RBM47: variants seen among roughly 807,000 people sequenced by gnomAD.
The protein encoded by RBM47 is RNA-binding protein 47.
RBM47 carries 21 observed loss-of-function variants against 47.1 expected under a neutral mutation model. The observed-to-expected ratio is 0.45, with a 90% confidence interval of 0.32 to 0.64. RBM47 has a LOEUF of 0.64. RBM47 is among the 30% of genes least tolerant of loss of function. The pLI, the probability that RBM47 is intolerant of heterozygous loss-of-function variation, is 0.05. For missense variants in RBM47, 708 were observed against 870.9 expected, an observed-to-expected ratio of 0.81 and a Z score of 2.35; for synonymous variants, 375 against 361.7, an observed-to-expected ratio of 1.04 and a Z score of -0.42.
At chr4:40,433,111 C>T (rs1156961160) in intron 5 of RBM47, among the ~76,000 whole-genome samples, 6 of 152,066 alleles carry the variant, frequency 3.9e-5, no homozygotes, top group Non-Finnish European at 7.4e-5. Context: ...CAGGTACAGG[C>T]CACCTTGCCC....
At chr4:40,556,053 T>G (rs1272094752) in intron 1 of RBM47, among the ~76,000 whole-genome samples, 2 of 144,882 alleles carry the variant, frequency 1.4e-5, no homozygotes, top group East Asian at 3.9e-4. Context: ...TTTTTTTTTT[T>G]GAGACAGAGT....
At position 40,536,717 on chromosome 4, in the gene RBM47, G is replaced by GTGTGTT. The variant is rs749047772; in HGVS notation, c.-155+7704_-155+7705insAACACA. Among the ~76,000 whole-genome samples the GTGTGTT allele has an allele frequency of 2.6e-5, 3 of 115,416 alleles. 1 individual carries two copies. The highest frequency in any genetic ancestry group is 5.1e-5 in the African/African-American group (1 of 19,800). 75.7% of individuals were successfully genotyped at this position (115,416 alleles called of 152,430 possible). A position where few individuals can be genotyped will look rare whatever the true frequency, so the allele number is the denominator to read the frequency against. On this transcript the variant is annotated intron_variant, in intron 2 of 6. Coordinates refer to ENST00000295971, the MANE Select transcript of RBM47 (RefSeq NM_001098634.2). ...TGCAGTTTTTGGTGTGTGTGTGTGTGTTTTTGTTTTTTTTTTATTGTTGTT... is the reference window on the plus strand; with the variant it reads ...TGCAGTTTTTGGTGTGTGTGTGTGTGTGTGTTTTTTTGTTTTTTTTTTATTGTTGTT...
chr4:40,582,005 C>A (rs1278947801), intron 1 of RBM47, among the ~76,000 whole-genome samples: 1 of 152,040 alleles, frequency 6.6e-6, no homozygotes, highest in Non-Finnish European at 1.5e-5. Flanking sequence ...GGTCCCTACA[C>A]CAGAATCCCG....
chr4:40,471,830 C>T (rs561428230), intron 2 of RBM47, among the ~76,000 whole-genome samples: 1 of 152,318 alleles, frequency 6.6e-6, no homozygotes, highest in East Asian at 1.9e-4. Context: ...CCTCCTCCAG[C>T]CTCATCTTGT....
At chr4:40,499,700 G>A (rs944344493) in intron 2 of RBM47, among the ~76,000 whole-genome samples, 2 of 152,168 alleles carry the variant, frequency 1.3e-5, no homozygotes, top group Non-Finnish European at 2.9e-5. Context: ...GAGGCACCGC[G>A]CTCAGCCTGT....
intron 1 of RBM47, among the ~76,000 whole-genome samples, chr4:40,608,429 G>C (rs566208030): frequency 2.0e-4 from 31 of 152,220 alleles, no homozygotes; most frequent in Non-Finnish European, 2.8e-4. Flanking sequence ...TATCATTTGA[G>C]GGGAAGGCAG....
chr4:40,456,565 TTTTTTC>T (rs1202028647), intron 3 of RBM47, among the ~76,000 whole-genome samples: 262 of 81,746 alleles, frequency 3.2e-3, no homozygotes, highest in African/African-American at 8.3e-3. Flanking sequence ...TTTTCTTTTC[TTTTTTC>T]TTTTTTTTTT....
chr4:40,611,168 T>C (rs1736228045), intron 1 of RBM47, among the ~76,000 whole-genome samples: 1 of 152,240 alleles, frequency 6.6e-6, no homozygotes, highest in African/African-American at 2.4e-5. Flanking sequence ...TCATTTTTAA[T>C]GCTTCAGTCT....
chr4:40,558,620 G>A (rs574449138), intron 1 of RBM47, among the ~76,000 whole-genome samples: 1 of 151,826 alleles, frequency 6.6e-6, no homozygotes, highest in Non-Finnish European at 1.5e-5. Flanking sequence ...CTGAGGTCAG[G>A]AGTTCAAGAC....
chr4:40,459,547 C>T (rs1474525617), intron 3 of RBM47, among the ~76,000 whole-genome samples: 1 of 151,796 alleles, frequency 6.6e-6, no homozygotes, highest in African/African-American at 2.4e-5. Flanking sequence ...GCCTGGGCAA[C>T]AGAGCAAGAC....
At chr4:40,601,103 G>A (rs1172650867) in intron 1 of RBM47, among the ~76,000 whole-genome samples, 1 of 151,972 alleles carries the variant, frequency 6.6e-6, no homozygotes, top group Non-Finnish European at 1.5e-5. Context: ...AAGAATTCAA[G>A]GCCAGGACGG....
intron 2 of RBM47, among the ~76,000 whole-genome samples, chr4:40,468,187 T>C (rs201753353): frequency 2.6e-5 from 4 of 152,278 alleles, no homozygotes; most frequent in African/African-American, 9.6e-5. Context: ...CTCAGGAGGC[T>C]GAGGCAGGAG....
At chr4:40,467,591 G>A (rs1287561661) in intron 2 of RBM47, among the ~76,000 whole-genome samples, 1 of 151,918 alleles carries the variant, frequency 6.6e-6, no homozygotes, top group Admixed American at 6.6e-5. Flanking sequence ...GTACTCGGCA[G>A]AGTCAAGACT....
intron 3 of RBM47, among the ~76,000 whole-genome samples, chr4:40,461,415 G>GT (rs993934964): frequency 6.6e-6 from 1 of 152,132 alleles, no homozygotes; most frequent in African/African-American, 2.4e-5. Context: ...CTTGCAAATG[G>GT]TTTTTTTAGA....
chr4:40,572,009 C>A (rs968242694), intron 1 of RBM47, among the ~76,000 whole-genome samples: 1 of 142,478 alleles, frequency 7.0e-6, no homozygotes, highest in Non-Finnish European at 1.5e-5. Flanking sequence ...GGCAACAGAG[C>A]GAGACTCCAT....
At chr4:40,489,663 C>G (rs1000967590) in intron 2 of RBM47, among the ~76,000 whole-genome samples, 2 of 152,182 alleles carry the variant, frequency 1.3e-5, no homozygotes, top group Non-Finnish European at 2.9e-5. Flanking sequence ...AGTAAATACA[C>G]TGAATTTGTA....
At chr4:40,541,555 G>T (rs1728544923) in intron 2 of RBM47, among the ~76,000 whole-genome samples, 1 of 151,986 alleles carries the variant, frequency 6.6e-6, no homozygotes, top group Non-Finnish European at 1.5e-5. Flanking sequence ...TGGCCAACAT[G>T]GTGAAAACCC....
chr4:40,579,673 C>T (rs1173522340), intron 1 of RBM47, among the ~76,000 whole-genome samples: 1 of 151,950 alleles, frequency 6.6e-6, no homozygotes, highest in Non-Finnish European at 1.5e-5. Flanking sequence ...AATCTACATT[C>T]CCAAGAAGCT....
At position 40,497,041 on chromosome 4, in the gene RBM47, C is replaced by CAAAAA. The variant is rs10631036; in HGVS notation, c.-154-30347_-154-30343dup. Among the ~76,000 whole-genome samples, 6 of 114,834 alleles carry CAAAAA rather than the reference C, an allele frequency of 5.2e-5. No homozygotes were observed. The East Asian group carries it at 1.3e-3, about 24-fold the overall frequency. 75.3% of individuals were successfully genotyped at this position (114,834 alleles called of 152,430 possible). A position where few individuals can be genotyped will look rare whatever the true frequency, so the allele number is the denominator to read the frequency against. On this transcript the variant is annotated intron_variant, in intron 2 of 6. Transcript: ENST00000295971. Reference sequence around the variant, plus strand: ...AGGCAACAAGAGCAAAACTCCATCTCAAAAAAAAAAAAAAAAGAAAGAAAG... The same window carrying CAAAAA: ...AGGCAACAAGAGCAAAACTCCATCTCAAAAAAAAAAAAAAAAAAAAAGAAAGAAAG...
Sources: allele counts gnomAD v4.1 joint callset (sites outside exome capture counted in the v4.1 genomes callset), GRCh38; gene constraint gnomAD v4.1.1; transcripts MANE v1.5; gene names NCBI Gene and HGNC (gene_info 2026-07-23, HGNC 2026-07-21).